Variants in NOL4 observed in about 807,000 individuals in gnomAD.
NOL4 encodes the protein cancer/testis antigen 125.
In NOL4, 17 loss-of-function variants were observed where a neutral mutation model predicts 75.9. The ratio of observed to expected loss-of-function variants is 0.22; its 90% confidence interval spans 0.15 to 0.34. NOL4 has a LOEUF of 0.34. Ranked by LOEUF, NOL4 falls within the 10% of genes least tolerant of loss-of-function variation. NOL4 has a pLI of 1.00. For synonymous variants in NOL4, 292 were observed against 289.9 expected (o/e 1.01, Z -0.07); for missense variants, 614 against 793.5 (o/e 0.77, Z 2.72).
chr18:34,206,029 A>G (rs2036099540), intron 1 of NOL4, among the ~76,000 whole-genome samples: 1 of 152,150 alleles, frequency 6.6e-6, no homozygotes, highest in Admixed American at 6.6e-5. Flanking sequence ...ACATTTTGAT[A>G]TGCTACATTA....
intron 9 of NOL4, among the ~76,000 whole-genome samples, chr18:33,885,722 G>C (rs370027427): frequency 6.6e-6 from 1 of 152,202 alleles, no homozygotes; most frequent in Middle Eastern, 3.4e-3. Flanking sequence ...ACTGTTGGTG[G>C]GAATGTAAAT....
intron 5 of NOL4, among the ~76,000 whole-genome samples, chr18:34,080,514 A>G (rs2077959199): frequency 6.6e-6 from 1 of 152,188 alleles, no homozygotes; most frequent in Non-Finnish European, 1.5e-5. Context: ...AAGGGCTCAT[A>G]GGCTAACATA....
intron 1 of NOL4, among the ~76,000 whole-genome samples, chr18:34,208,858 T>C (rs1203573944): frequency 6.6e-6 from 1 of 151,626 alleles, no homozygotes; most frequent in Non-Finnish European, 1.5e-5. Context: ...CAAGACTCCA[T>C]CTCGAAAAAA....
chr18:34,118,391 C>T (rs966622983), intron 2 of NOL4, among the ~76,000 whole-genome samples: 2 of 152,082 alleles, frequency 1.3e-5, no homozygotes, highest in African/African-American at 4.8e-5. Context: ...CACAAACCCT[C>T]TGCAATATAT....
intron 5 of NOL4, among the ~76,000 whole-genome samples, chr18:34,064,544 C>T (rs2145171123): frequency 6.6e-6 from 1 of 152,018 alleles, no homozygotes; most frequent in African/African-American, 2.4e-5. Flanking sequence ...GGATCATATA[C>T]TATGGTACAG....
At chr18:34,128,164 C>T (rs970108603) in intron 2 of NOL4, among the ~76,000 whole-genome samples, 1 of 151,846 alleles carries the variant, frequency 6.6e-6, no homozygotes, top group Non-Finnish European at 1.5e-5. Flanking sequence ...AAATCATTGA[C>T]TCATTTTGCA....
At chr18:34,093,271 T>C (rs79838314) in intron 5 of NOL4, among the ~76,000 whole-genome samples, 194 bp downstream of exon 5, 4,823 of 152,194 alleles carry the variant, frequency 0.032, 80 homozygotes, top group Middle Eastern at 0.048. Flanking sequence ...GTCTAACACC[T>C]TGGTTTTGAA....
intron 2 of NOL4, among the ~76,000 whole-genome samples, chr18:34,115,998 A>G (rs2079839209): frequency 6.6e-6 from 1 of 152,212 alleles, no homozygotes; most frequent in Non-Finnish European, 1.5e-5. Flanking sequence ...CAGTGTAAAT[A>G]TTACAGTCTA....
intron 5 of NOL4, among the ~76,000 whole-genome samples, chr18:34,031,128 C>CA (rs1476181323): frequency 6.6e-6 from 1 of 152,062 alleles, no homozygotes; most frequent in East Asian, 1.9e-4. Flanking sequence ...GTTTGAATAA[C>CA]AAAATCACTG....
At chr18:33,994,593 T>C (rs2073145782) in intron 6 of NOL4, among the ~76,000 whole-genome samples, 1 of 151,506 alleles carries the variant, frequency 6.6e-6, no homozygotes, top group Non-Finnish European at 1.5e-5. Context: ...TTTAAGTAAA[T>C]GAAAATGATG....
chr18:33,863,187 C>T (rs2063253621), intron 10 of NOL4, among the ~76,000 whole-genome samples: 1 of 151,878 alleles, frequency 6.6e-6, no homozygotes, highest in Non-Finnish European at 1.5e-5. Flanking sequence ...AACCAAACAC[C>T]ACATATTCTC....
rs561213031 is a variant in NOL4, at chr18:33,873,875, A to T, written c.1723+9369T>A. Reference sequence around the variant, plus strand: ...AATATCATGGGAACATATTGGAAGAAAATTTAGCCAGAAAATTAGTGAGGT... The same window carrying T: ...AATATCATGGGAACATATTGGAAGATAATTTAGCCAGAAAATTAGTGAGGT... On this transcript the variant is annotated intron_variant, in intron 10 of 10. Transcript: ENST00000261592. Among the ~76,000 whole-genome samples, 24 of 152,098 alleles carry T rather than the reference A, an allele frequency of 1.6e-4. No homozygotes were observed. The South Asian group carries it at 5.0e-3, about 32-fold the overall frequency.
chr18:34,151,872 G>A (rs2081655095), intron 1 of NOL4, among the ~76,000 whole-genome samples: 1 of 151,664 alleles, frequency 6.6e-6, no homozygotes, highest in African/African-American at 2.4e-5. Flanking sequence ...AAATGAGAGG[G>A]GGAAAAGGAT....
In NOL4 at chr18:34,098,888, G is replaced by A. The variant is rs560110546; in HGVS notation, c.639+5159C>T. The stretch of plus-strand genomic sequence containing the variant: ...GCCCCATCTGCAAAATGGAGGTAGA[G>A]CAGCATGTCAGTGGTTCTAAGTAGT... On this transcript the variant is annotated intron_variant, in intron 4 of 10. Coordinates refer to ENST00000261592, the MANE Select transcript of NOL4 (RefSeq NM_003787.5). Among the ~76,000 whole-genome samples, 4 of 152,222 alleles carry A rather than the reference G, an allele frequency of 2.6e-5. No homozygotes were observed. The South Asian group carries it at 8.3e-4, about 32-fold the overall frequency.
chr18:33,914,896 A>C (rs761539863), intron 9 of NOL4, among the ~76,000 whole-genome samples: 31 of 152,082 alleles, frequency 2.0e-4, no homozygotes, highest in Non-Finnish European at 3.8e-4. Context: ...GAGTTCAGGG[A>C]GGAGTCCTGG....
intron 2 of NOL4, among the ~76,000 whole-genome samples, chr18:34,125,967 CA>C (rs34689802): frequency 0.46 from 65,909 of 142,394 alleles, 14,459 homozygotes; most frequent in Admixed American, 0.54. Flanking sequence ...CAGGATGCAC[CA>C]AAAAAAAAAA....
chr18:34,134,833 A>G (rs2080825573), intron 1 of NOL4, among the ~76,000 whole-genome samples: 1 of 152,196 alleles, frequency 6.6e-6, no homozygotes, highest in Admixed American at 6.5e-5. Context: ...CTACAAATAT[A>G]AAGAAATTAA....
chr18:34,088,510 G>T (rs995252265), intron 5 of NOL4, among the ~76,000 whole-genome samples: 6 of 151,954 alleles, frequency 3.9e-5, no homozygotes, highest in Non-Finnish European at 8.8e-5. Flanking sequence ...ATATTTGAAG[G>T]ATGCCTTTAG....
chr18:34,222,153 G>A lies in NOL4; in HGVS notation c.264+837C>T, dbSNP rs547115646. 9 of 1,520,822 alleles carry A rather than the reference G, an allele frequency of 5.9e-6. 1 individual carries two copies. The highest frequency in any genetic ancestry group is 1.8e-4 in the Middle Eastern group (1 of 5,688). 94.2% of individuals were successfully genotyped at this position (1,520,822 alleles called of 1,614,324 possible). A position where few individuals can be genotyped will look rare whatever the true frequency, so the allele number is the denominator to read the frequency against. On this transcript the variant is annotated intron_variant, in intron 1 of 10. Transcript: ENST00000261592. ...CCACTGGCTTCTGCAGCGTGAGGCT[G>A]AGATGCATTGGGCTCTCAATGCCAG...
Sources: allele counts gnomAD v4.1 joint callset (sites outside exome capture counted in the v4.1 genomes callset), GRCh38; gene constraint gnomAD v4.1.1; transcripts MANE v1.5; gene names NCBI Gene and HGNC (gene_info 2026-07-23, HGNC 2026-07-21).